Variants in GALNT18 observed in about 807,000 individuals in gnomAD.
The protein encoded by GALNT18 is polypeptide N-acetylgalactosaminyltransferase 18.
GALNT18 carries 44 observed loss-of-function variants against 69.5 expected under a neutral mutation model. That is an observed-to-expected ratio of 0.63 (90% CI 0.50 to 0.81). The LOEUF (loss-of-function observed/expected upper bound fraction) is 0.81. Among genes scored for constraint, GALNT18 ranks in the 40% least tolerant of loss-of-function variants. The pLI is 0.00. For synonymous variants in GALNT18, 364 were observed against 318.2 expected (o/e 1.14, Z -1.53); for missense variants, 715 against 810.0 (o/e 0.88, Z 1.42).
Position 11,413,444 on chromosome 11 carries a change from C to T in GALNT18, c.595+19177G>A, listed in dbSNP as rs568070381. Among the ~76,000 whole-genome samples the T allele has an allele frequency of 3.3e-5, 5 of 152,318 alleles. No individual in the cohort carries two copies. The highest frequency in any genetic ancestry group is 7.2e-5 in the African/African-American group (3 of 41,562). ...TTTAATCAGGGATTTGATCATCCTA[C>T]GGACGATTCCTTATTCACGTTCATT... On this transcript the variant is annotated intron_variant, in intron 3 of 10. Coordinates refer to ENST00000227756, the MANE Select transcript of GALNT18 (RefSeq NM_198516.3). This position sits in a 1 kb window ranked among gnomAD's most constrained non-coding sequence, Gnocchi z 4.7.
In GALNT18 at chr11:11,496,483, G is replaced by T. The variant is rs1009624387; in HGVS notation, c.236-47547C>A. Among the ~76,000 whole-genome samples the T allele has an allele frequency of 2.0e-5, 3 of 152,190 alleles. No homozygotes were observed. The highest frequency in any genetic ancestry group is 7.2e-5 in the African/African-American group (3 of 41,448). On this transcript the variant is annotated intron_variant, in intron 1 of 10. Coordinates refer to ENST00000227756, the MANE Select transcript of GALNT18 (RefSeq NM_198516.3). This position sits in a 1 kb window ranked among gnomAD's most constrained non-coding sequence, Gnocchi z 4.0. ...TCAACTCCAATAATGGGGCATGCTG[G>T]AAAAATAAAACAGAAGATGGTTCTT...
Position 11,332,855 on chromosome 11 carries a change from G to C in GALNT18, c.1279-24C>G, listed in dbSNP as rs1850043029. The stretch of plus-strand genomic sequence containing the variant: ...TCCTGCACAGGGACGCAGAAGCAGA[G>C]ATGAAGCCACTCCCAGGTTGCAGCT... On this transcript the variant is annotated intron_variant, in intron 7 of 10. Transcript: ENST00000227756. This position sits in a 1 kb window ranked among gnomAD's most constrained non-coding sequence, Gnocchi z 4.3. The C allele has an allele frequency of 6.2e-7, 1 of 1,608,424 alleles. No homozygotes were observed. The highest frequency in any genetic ancestry group is 8.5e-7 in the Non-Finnish European group (1 of 1,179,014).
Position 11,276,987 on chromosome 11 carries a change from C to G in GALNT18, c.1678-5697G>C, listed in dbSNP as rs542712661. ...CTGAAATTTTCTTTTTTTGTTGTGT[C>G]TCTGCCAGGTTTTGGTATCAGGATG... On this transcript the variant is annotated intron_variant, in intron 10 of 10. Transcript: ENST00000227756. Among the ~76,000 whole-genome samples, 7 of 152,250 alleles carry G rather than the reference C, an allele frequency of 4.6e-5. No homozygotes were observed. The East Asian group carries it at 5.8e-4, about 13-fold the overall frequency.
chr11:11,489,340 AG>A (rs1215299509), intron 1 of GALNT18, among the ~76,000 whole-genome samples: 2 of 152,188 alleles, frequency 1.3e-5, no homozygotes, highest in Non-Finnish European at 2.9e-5. Context: ...GCAGGTCTCA[AG>A]GATACGGTGC....
At chr11:11,395,979 G>C (rs920364354) in intron 3 of GALNT18, among the ~76,000 whole-genome samples, 2 of 152,202 alleles carry the variant, frequency 1.3e-5, no homozygotes, top group African/African-American at 4.8e-5. Context: ...AAGTGGTGGA[G>C]ATGGGGAGGG....
chr11:11,610,944 A>G (rs1300411297), intron 1 of GALNT18, among the ~76,000 whole-genome samples: 2 of 152,230 alleles, frequency 1.3e-5, no homozygotes, highest in Non-Finnish European at 2.9e-5. Context: ...CATGAACCAT[A>G]TAAACACAAA....
rs958889544 is a variant in GALNT18, at chr11:11,603,130, A to G, written c.235+18229T>C. Among the ~76,000 whole-genome samples the G allele has an allele frequency of 6.6e-6, 1 of 152,210 alleles. No homozygotes were observed. Among genetic ancestry groups the G allele is most frequent in the African/African-American group, 2.4e-5 (1 of 41,452 alleles). On this transcript the variant is annotated intron_variant, in intron 1 of 10. Transcript: ENST00000227756. The surrounding 1 kb of genome is among the most constrained non-coding windows in gnomAD (Gnocchi z 4.5). ...TTATGTCTTCCCATCAACTACTTCA[A>G]TTTGTGTTTGGTGCTTCTCCCAAGA...
intron 1 of GALNT18, among the ~76,000 whole-genome samples, chr11:11,527,237 G>A (rs553599306): frequency 6.6e-6 from 1 of 152,300 alleles, no homozygotes; most frequent in African/African-American, 2.4e-5. Context: ...TGCTTCTACA[G>A]TAGCTTTTCT....
At chr11:11,403,255 T>C (rs1024435078) in intron 3 of GALNT18, among the ~76,000 whole-genome samples, 2 of 152,180 alleles carry the variant, frequency 1.3e-5, no homozygotes. Flanking sequence ...ACATTTCCGA[T>C]ATGGGGTCCA....
intron 3 of GALNT18, among the ~76,000 whole-genome samples, chr11:11,410,326 C>T (rs1854698806): frequency 6.6e-6 from 1 of 152,112 alleles, no homozygotes; most frequent in African/African-American, 2.4e-5. Context: ...GCTCAAATTA[C>T]CCACTTTGAG....
At chr11:11,491,580 G>A (rs1856770376) in intron 1 of GALNT18, among the ~76,000 whole-genome samples, 1 of 152,218 alleles carries the variant, frequency 6.6e-6, no homozygotes, top group Non-Finnish European at 1.5e-5. Flanking sequence ...CCTCCCTATG[G>A]ATTTGGTTTT....
In GALNT18 at chr11:11,377,328, C is replaced by T. The variant is rs376083923; in HGVS notation, c.831G>A (p.Ser277=). 61 of 1,613,910 alleles carry T rather than the reference C, an allele frequency of 3.8e-5. No homozygotes were observed. Among genetic ancestry groups the T allele is most frequent in the African/African-American group, 2.0e-4 (15 of 74,972 alleles). ...RIKENRKRII[S]PSFDNIKYDN... ...CATATTTGATGTTATCAAAGGATGG[C>T]GAGATGATCCGCTTCCGGTTCTCCT... Residue 277 remains serine (S), a synonymous_variant, in exon 5 of 11, where the codon TCG becomes TCA. Transcript: ENST00000227756. The surrounding 1 kb of genome is among the most constrained non-coding windows in gnomAD (Gnocchi z 4.6).
At chr11:11,448,036 C>T (rs1446099131) in intron 2 of GALNT18, among the ~76,000 whole-genome samples, 1 of 152,210 alleles carries the variant, frequency 6.6e-6, no homozygotes, top group African/African-American at 2.4e-5. Flanking sequence ...CAGTATACAG[C>T]AGGTGTTCAA....
intron 2 of GALNT18, among the ~76,000 whole-genome samples, chr11:11,433,574 T>C (rs1331061390): frequency 2.0e-5 from 3 of 152,158 alleles, no homozygotes; most frequent in Non-Finnish European, 2.9e-5. Flanking sequence ...TCCCCTTAGC[T>C]CTGCTGAAAT....
In GALNT18 at chr11:11,544,563, AT is replaced by A. The variant is rs562881752; in HGVS notation, c.235+76795del. On this transcript the variant is annotated intron_variant, in intron 1 of 10. Transcript: ENST00000227756. ...CAGTCAAGCATCACAATTCCTTTTT[AT>A]TTTTAAGTTCTAGGATACATGTGCA... 2.9e-4 allele frequency among the ~76,000 whole-genome samples: 44 copies of A among 151,696 alleles called. No homozygotes were observed. In the South Asian group the frequency reaches 5.4e-3, roughly 19 times the overall value.
At chr11:11,572,384 T>G (rs1169297621) in intron 1 of GALNT18, among the ~76,000 whole-genome samples, 1 of 152,226 alleles carries the variant, frequency 6.6e-6, no homozygotes, top group Non-Finnish European at 1.5e-5. Context: ...ATGAAGCACT[T>G]TGCCTGAATA....
At position 11,340,654 on chromosome 11, in the gene GALNT18, T is replaced by A. The variant is rs935854465; in HGVS notation, c.1278+165A>T. Among the ~76,000 whole-genome samples the A allele has an allele frequency of 3.3e-5, 5 of 152,198 alleles. No individual in the cohort carries two copies. The highest frequency in any genetic ancestry group is 4.4e-5 in the Non-Finnish European group (3 of 68,032). On this transcript the variant is annotated intron_variant, in intron 7 of 10. Coordinates refer to ENST00000227756, the MANE Select transcript of GALNT18 (RefSeq NM_198516.3). The surrounding 1 kb of genome is among the most constrained non-coding windows in gnomAD (Gnocchi z 4.2). ...GGATAAGAAATGGCTTAGAGCCTCATGGCCCCTTTTCTTCAGCAAATAATA... is the reference window on the plus strand; with the variant it reads ...GGATAAGAAATGGCTTAGAGCCTCAAGGCCCCTTTTCTTCAGCAAATAATA...
At chr11:11,313,859 A>G (rs907755832) in intron 9 of GALNT18, among the ~76,000 whole-genome samples, 2 of 152,244 alleles carry the variant, frequency 1.3e-5, no homozygotes, top group Non-Finnish European at 2.9e-5. Context: ...AAAGATGCCT[A>G]GAAACAGTAA....
rs1404292806 is a variant in GALNT18 at position 11,402,853 on chromosome 11, T to C, written c.596-23589A>G. ...GGCATCTGACAAGGAGCCTCAGGTG[T>C]CCCCACGGGCCCCGGAGATGGTGTA... is the stretch of plus-strand genomic sequence containing the variant. On this transcript the variant is annotated intron_variant, in intron 3 of 10. Transcript: ENST00000227756. The surrounding 1 kb of genome is among the most constrained non-coding windows in gnomAD (Gnocchi z 4.0). 1.3e-5 allele frequency among the ~76,000 whole-genome samples: 2 copies of C among 152,114 alleles called. No individual in the cohort carries two copies. The highest frequency in any genetic ancestry group is 2.9e-5 in the Non-Finnish European group (2 of 68,024).
Sources: gnomAD v4.1 joint callset for allele counts (sites outside exome capture counted in the v4.1 genomes callset) on GRCh38, gnomAD v4.1.1 for gene constraint, Gnocchi (gnomAD v3.1) non-coding constraint, MANE v1.5 for transcripts, NCBI Gene and HGNC (gene_info 2026-07-23, HGNC 2026-07-21) for gene names.